Variants in MROH7 observed in about 807,000 individuals in gnomAD.
MROH7 encodes the protein maestro heat like repeat family member 7.
In MROH7, 113 loss-of-function variants were observed where a neutral mutation model predicts 129.2. The observed-to-expected ratio is 0.87, with a 90% confidence interval of 0.75 to 1.02. The LOEUF (loss-of-function observed/expected upper bound fraction) is 1.02. MROH7 is among the 50% of genes least tolerant of loss of function. The pLI is 0.00. For synonymous variants in MROH7, 655 were observed against 667.9 expected, an observed-to-expected ratio of 0.98 and a Z score of 0.30; for missense variants, 1,601 against 1,671.3, an observed-to-expected ratio of 0.96 and a Z score of 0.73.
intron 13 of MROH7, among the ~76,000 whole-genome samples, chr1:54,680,685 G>C (rs188721810): frequency 7.6e-4 from 116 of 152,326 alleles, no homozygotes; most frequent in African/African-American, 2.7e-3. Context: ...AGGTCAGTCT[G>C]GCCTCAGCCT....
At chr1:54,652,148 C>A (rs1644568151) in intron 2 of MROH7, among the ~76,000 whole-genome samples, 165 bp downstream of exon 2, 1 of 152,128 alleles carries the variant, frequency 6.6e-6, no homozygotes, top group African/African-American at 2.4e-5. Flanking sequence ...CCGGAACAAG[C>A]AAACTGTTAA....
In MROH7 at chr1:54,673,780, A is replaced by G. The variant is rs1170859997; in HGVS notation, c.1775A>G (p.His592Arg). 3 of 1,614,072 alleles carry G rather than the reference A, an allele frequency of 1.9e-6. No individual in the cohort carries two copies. Among genetic ancestry groups the G allele is most frequent in the Non-Finnish European group, 2.5e-6 (3 of 1,179,938 alleles). The change falls in exon 9 of 24, where the codon CAC becomes CGC. Residue 592 changes from histidine to arginine, a missense_variant. Transcript: ENST00000421030. ...AACACCAATGTCTCTGTGTTGAACC[A>G]CATGCTTCTAACTCTGCCTTTCTTT... The part of the protein sequence containing the change: ...AVNTNVSVLN[H>R]MLLTLPFFMP...
chr1:54,700,661 G>C (rs191778892), intron 18 of MROH7, among the ~76,000 whole-genome samples, 200 bp downstream of exon 18: 3 of 152,182 alleles, frequency 2.0e-5, no homozygotes, highest in Admixed American at 6.5e-5. Flanking sequence ...TTCTAATCTA[G>C]GTTTTTCACA....
chr1:54,661,191 T>C (rs1259507989), intron 3 of MROH7, among the ~76,000 whole-genome samples: 1 of 152,158 alleles, frequency 6.6e-6, no homozygotes, highest in African/African-American at 2.4e-5. Context: ...GTGAAGCCTT[T>C]TATTTATTTT....
In MROH7 at chr1:54,686,316, G is replaced by T; in HGVS notation, c.2579G>T (p.Arg860Leu). 6.2e-7 allele frequency: 1 copy of T among 1,614,110 alleles called. No homozygotes were observed. Among genetic ancestry groups the T allele is most frequent in the Non-Finnish European group, 8.5e-7 (1 of 1,180,012 alleles). The change falls in exon 15 of 24, where the codon CGC becomes CTC. Residue 860 changes from arginine (R) to leucine (L), a missense_variant. Physicochemically the swap from Arg to Leu is moderately radical, Grantham distance 102. Coordinates refer to ENST00000421030, the MANE Select transcript of MROH7 (RefSeq NM_001039464.4). ...AACAGCTGCATGGGCCGTGTGAGGC[G>T]CATCTACCCTCAGCTGCTCCTGGCC... Reference protein sequence around the residue: ...SVNSCMGRVRRIYPQLLLALL... With the variant: ...SVNSCMGRVRLIYPQLLLALL...
At chr1:54,663,710 A>AAC in intron 3 of MROH7, 1 of 415,616 alleles carries the variant, frequency 2.4e-6, no homozygotes, top group East Asian at 7.1e-5. Context: ...AACAAAAAAA[A>AAC]AACAAGCTTT....
At chr1:54,650,835 C>T (rs540650908) in intron 1 of MROH7, among the ~76,000 whole-genome samples, 52 of 152,082 alleles carry the variant, frequency 3.4e-4, no homozygotes, top group African/African-American at 1.0e-3. Flanking sequence ...GTGATCCTCC[C>T]ACCTCAGCCT....
intron 21 of MROH7, among the ~76,000 whole-genome samples, chr1:54,705,011 C>T (rs1051145057): frequency 2.7e-5 from 4 of 150,932 alleles, no homozygotes; most frequent in East Asian, 4.0e-4. Flanking sequence ...GTTGGTCAGA[C>T]TGGTCTTGAA....
chr1:54,698,004 C>T lies in MROH7; in HGVS notation c.2965-2317C>T, dbSNP rs538673222. On this transcript the variant is annotated intron_variant, in intron 17 of 23. Transcript: ENST00000421030. ...TTGGCCCAGGTTCAGTCTTTTCCAC[C>T]TCCCCAGAAGAGGTGTCTGCTCCTG... is the stretch of plus-strand genomic sequence containing the variant. 1.3e-5 allele frequency: 4 copies of T among 309,980 alleles called. 1 individual carries two copies. In the South Asian group the frequency reaches 4.3e-4, roughly 33 times the overall value. The allele number at this position is 309,980 out of a possible 1,614,324, so 19.2% of individuals were successfully genotyped here. A position where few individuals can be genotyped will look rare whatever the true frequency, so the allele number is the denominator to read the frequency against.
At chr1:54,681,001 C>T (rs937786342) in intron 13 of MROH7, among the ~76,000 whole-genome samples, 1 of 152,010 alleles carries the variant, frequency 6.6e-6, no homozygotes, top group African/African-American at 2.4e-5. Flanking sequence ...CTACTGGGGG[C>T]CTCATCTGAC....
intron 15 of MROH7, among the ~76,000 whole-genome samples, chr1:54,691,879 TC>T (rs1401144067): frequency 2.2e-5 from 2 of 90,694 alleles, no homozygotes; most frequent in South Asian, 3.8e-4. Context: ...CTCTCTCTCC[TC>T]CCCCCCACCC....
chr1:54,648,852 G>A (rs1280805071), intron 1 of MROH7, among the ~76,000 whole-genome samples: 1 of 152,188 alleles, frequency 6.6e-6, no homozygotes, highest in Admixed American at 6.5e-5. Context: ...CTGTTCTGGA[G>A]CCAGAATTAG....
In MROH7 at chr1:54,653,452, A is replaced by C; in HGVS notation, c.526A>C (p.Asn176His). The change falls in exon 3 of 24, where the codon AAC becomes CAC. Residue 176 changes from asparagine to histidine, a missense_variant. Asn to His is a moderately conservative substitution (Grantham distance 68). Coordinates refer to ENST00000421030, the MANE Select transcript of MROH7 (RefSeq NM_001039464.4). ...CTCCAACCCTTCTAGGCATGAATTA[A>C]ACCCATTTATAAGGCACCATTCCAG... ...RNSNPSRHEL[N>H]PFIRHHSREG... 1 of 1,614,192 alleles carries C rather than the reference A, an allele frequency of 6.2e-7. No homozygotes were observed. The highest frequency in any genetic ancestry group is 1.6e-4 in the Middle Eastern group (1 of 6,062).
rs1644927264 is a variant in MROH7 at position 54,673,119 on chromosome 1, T to C, written c.1628T>C (p.Leu543Pro). The change falls in exon 8 of 24, where the codon CTG becomes CCG. Residue 543 changes from leucine (L) to proline (P), a missense_variant. Leu to Pro is a moderately conservative substitution (Grantham distance 98). Transcript: ENST00000421030. ...QALYHQTLEA[L>P]QTLLKALFIE... ...CTTTACCATCAGACCCTGGAGGCCC[T>C]GCAGACACTGCTCAAAGCCCTCTTT... The C allele has an allele frequency of 1.2e-6, 2 of 1,613,862 alleles. No homozygotes were observed. Among genetic ancestry groups the C allele is most frequent in the Non-Finnish European group, 1.7e-6 (2 of 1,179,886 alleles).
At chr1:54,702,313 T>C in intron 20 of MROH7, 68 bp downstream of exon 20, 1 of 1,312,302 alleles carries the variant, frequency 7.6e-7, no homozygotes, top group Non-Finnish European at 9.9e-7. Flanking sequence ...TCTTTTTACG[T>C]TAACCAAGCC....
intron 21 of MROH7, among the ~76,000 whole-genome samples, chr1:54,704,870 G>A (rs535550285): frequency 5.8e-4 from 73 of 126,444 alleles, no homozygotes; most frequent in African/African-American, 2.2e-3. Flanking sequence ...TGTGATCTCC[G>A]CTCATCGCAA....
intron 17 of MROH7, chr1:54,695,878 G>A (rs1417522942): frequency 1.8e-5 from 6 of 328,054 alleles, no homozygotes; most frequent in Non-Finnish European, 3.6e-5. Flanking sequence ...TACTATGATG[G>A]GGCCATCTAG....
chr1:54,689,852 A>G (rs913922926), intron 15 of MROH7, among the ~76,000 whole-genome samples: 6 of 152,190 alleles, frequency 3.9e-5, no homozygotes, highest in Non-Finnish European at 7.3e-5. Flanking sequence ...ACTCCAAAAA[A>G]ATAAAAAATT....
intron 17 of MROH7, 25 bp from the exon 18 acceptor site, chr1:54,700,296 A>C: frequency 6.2e-7 from 1 of 1,613,956 alleles, no homozygotes; most frequent in South Asian, 1.1e-5. Flanking sequence ...TCAGCCTGGG[A>C]AGTAATGACC....
Sources: gnomAD v4.1 joint callset for allele counts (sites outside exome capture counted in the v4.1 genomes callset) on GRCh38, gnomAD v4.1.1 for gene constraint, MANE v1.5 for transcripts, NCBI Gene and HGNC (gene_info 2026-07-23, HGNC 2026-07-21) for gene names.